PRH1: variants seen among roughly 807,000 people sequenced by gnomAD.
PRH1 encodes proline rich protein HaeIII subfamily 1.
In PRH1, 7 loss-of-function variants were observed where a neutral mutation model predicts 7.9. That is an observed-to-expected ratio of 0.89 (90% confidence interval 0.50 to 1.67). The LOEUF is 1.67. Ranked by LOEUF, PRH1 falls within the 40% of genes most tolerant of loss-of-function variation. PRH1 has a pLI of 0.00. For missense variants in PRH1, 109 were observed against 223.6 expected, an observed-to-expected ratio of 0.49 and a Z score of 3.27; for synonymous variants, 45 against 80.8, an observed-to-expected ratio of 0.56 and a Z score of 2.38.
At chr12:11,103,403 G>C (rs113534444) in intron 1 of PRH1, among the ~76,000 whole-genome samples, 1 of 152,060 alleles carries the variant, frequency 6.6e-6, no homozygotes, top group Non-Finnish European at 1.5e-5. Flanking sequence ...CGTGGATGAA[G>C]CTAGAAACCA....
chr12:10,985,548 T>A (rs1939568971), intron 1 of PRH1, among the ~76,000 whole-genome samples: 1 of 152,156 alleles, frequency 6.6e-6, no homozygotes, highest in Non-Finnish European at 1.5e-5. Context: ...GCAAAGATTT[T>A]GAGATAATGT....
intron 1 of PRH1, among the ~76,000 whole-genome samples, chr12:11,145,678 T>C (rs898972859): frequency 4.6e-5 from 7 of 152,180 alleles, no homozygotes; most frequent in Non-Finnish European, 7.3e-5. Flanking sequence ...TAACAGAGTA[T>C]ACAGAAAGCT....
In PRH1 at chr12:11,097,496, T is replaced by C. The variant is rs543710914; in HGVS notation, n.124-50308A>G. 3.2e-4 allele frequency among the ~76,000 whole-genome samples: 37 copies of C among 114,772 alleles called. 9 individuals are homozygous for C. In the South Asian group the frequency reaches 7.6e-3, roughly 24 times the overall value. The allele number at this position is 114,772 out of a possible 152,430, so 75.3% of individuals were successfully genotyped here. A position where few individuals can be genotyped will look rare whatever the true frequency, so the allele number is the denominator to read the frequency against. ...CACGAAAATTAAATTGTTTCTATCA[T>C]GAGCATAGTGAAAGGAGGATTCACT... On this transcript the variant is annotated intron_variant and non_coding_transcript_variant, in intron 1 of 4. Transcript: ENST00000541977.
intron 1 of PRH1, among the ~76,000 whole-genome samples, chr12:11,124,899 A>G (rs1296557663): frequency 2.0e-5 from 3 of 151,356 alleles, no homozygotes; most frequent in Admixed American, 2.0e-4. Context: ...CTGCAGTGCA[A>G]TGGCGCAATA....
At chr12:11,117,563 A>G (rs1038079182), downstream of PRH1, among the ~76,000 whole-genome samples, 1 of 152,168 alleles carries the variant, frequency 6.6e-6, no homozygotes, top group Non-Finnish European at 1.5e-5. Context: ...AGAGAAAACA[A>G]TCCTAAAATT....
At chr12:11,092,417 G>C (rs139905132) in intron 1 of PRH1, 8,090 of 361,704 alleles carry the variant, frequency 0.022, 1,675 homozygotes, top group South Asian at 0.034. Context: ...AAGAGAGAAA[G>C]GACAAAGCTT....
At chr12:11,083,408 C>A (rs1344036166) in intron 1 of PRH1, among the ~76,000 whole-genome samples, 1 of 151,398 alleles carries the variant, frequency 6.6e-6, no homozygotes, top group African/African-American at 2.4e-5. Context: ...CTGTATTCTT[C>A]TTTATTCAGC....
rs569176283 is a variant in PRH1 at position 11,078,624 on chromosome 12, C to T, written n.124-31436G>A. ...TGCAATTTTTTTCCTTGTTTAACCT[C>T]TCCATAATTTGAATCCAGCATCTTC... On this transcript the variant is annotated intron_variant and non_coding_transcript_variant, in intron 1 of 4. Transcript: ENST00000541977. 3.3e-5 allele frequency: 5 copies of T among 152,204 alleles called. No homozygotes were observed. The South Asian group carries it at 1.0e-3, about 31-fold the overall frequency. The allele number at this position is 152,204 out of a possible 1,614,324, so 9.4% of individuals were successfully genotyped here. A position where few individuals can be genotyped will look rare whatever the true frequency, so the allele number is the denominator to read the frequency against.
intron 1 of PRH1, among the ~76,000 whole-genome samples, chr12:11,044,090 CAG>C (rs1942821989): frequency 6.6e-6 from 1 of 152,108 alleles, no homozygotes; most frequent in Admixed American, 6.5e-5. Context: ...GGCATTAAGA[CAG>C]ACACATAGAC....
intron 1 of PRH1, among the ~76,000 whole-genome samples, chr12:10,993,221 T>C (rs1205710012): frequency 1.3e-5 from 2 of 152,206 alleles, no homozygotes; most frequent in Non-Finnish European, 2.9e-5. Flanking sequence ...CTTTTTAATC[T>C]ACATCGATTG....
intron 1 of PRH1, chr12:11,134,068 G>C: frequency 6.2e-7 from 1 of 1,614,100 alleles, no homozygotes; most frequent in Non-Finnish European, 8.5e-7. Context: ...ATAACACCCA[G>C]AGCAAACCAA....
chr12:11,063,491 A>G (rs953960823), intron 1 of PRH1, among the ~76,000 whole-genome samples: 10 of 152,074 alleles, frequency 6.6e-5, no homozygotes, highest in African/African-American at 2.4e-4. Flanking sequence ...TCTAACTACT[A>G]CCAAGATTCA....
Position 11,088,513 on chromosome 12 carries a change from T to C in PRH1, n.124-41325A>G, listed in dbSNP as rs1251793553. ...ACAGCATAGGTGATGTTTTAAAGCA[T>C]TCAGTGTCCCTAGACCACACGTTGA... is the stretch of plus-strand genomic sequence containing the variant. On this transcript the variant is annotated intron_variant and non_coding_transcript_variant, in intron 1 of 4. Coordinates refer to the PRH1 transcript ENST00000541977. Among the ~76,000 whole-genome samples the C allele has an allele frequency of 7.5e-5, 8 of 106,616 alleles. 2 individuals carry two copies. Among genetic ancestry groups the C allele is most frequent in the Non-Finnish European group, 1.3e-4 (6 of 46,030 alleles). 69.9% of individuals were successfully genotyped at this position (106,616 alleles called of 152,430 possible).
rs149360793 is a variant in PRH1 at position 11,080,297 on chromosome 12, T to G, written n.124-33109A>C. Reference sequence around the variant, plus strand: ...TGTATATGAAATTTAACCCCACAGTTGCATGTACATGTGATCCACTTCTTT... The same window carrying G: ...TGTATATGAAATTTAACCCCACAGTGGCATGTACATGTGATCCACTTCTTT... On this transcript the variant is annotated intron_variant and non_coding_transcript_variant, in intron 1 of 4. Coordinates refer to the PRH1 transcript ENST00000541977. Among the ~76,000 whole-genome samples, 26 of 116,770 alleles carry G rather than the reference T, an allele frequency of 2.2e-4. 2 individuals carry two copies. The East Asian group carries it at 5.4e-3, about 24-fold the overall frequency. The allele number at this position is 116,770 out of a possible 152,430, so 76.6% of individuals were successfully genotyped here.
intron 1 of PRH1, among the ~76,000 whole-genome samples, chr12:11,099,611 C>A (rs765247989): frequency 6.6e-6 from 1 of 152,046 alleles, no homozygotes; most frequent in Non-Finnish European, 1.5e-5. Context: ...GCAGGAGAAT[C>A]GCTTGAACCC....
At chr12:10,986,301 G>T in intron 1 of PRH1, 2 of 1,613,978 alleles carry the variant, frequency 1.2e-6, no homozygotes, top group Non-Finnish European at 1.7e-6. Flanking sequence ...CAGAGTAAAG[G>T]GTATGAAGCT....
intron 1 of PRH1, among the ~76,000 whole-genome samples, chr12:10,989,138 A>G (rs1375319530): frequency 1.3e-5 from 2 of 152,132 alleles, no homozygotes; most frequent in South Asian, 2.1e-4. Flanking sequence ...ACAACTAGGT[A>G]TGCAACCCTA....
At chr12:11,043,700 C>T (rs1942803670) in intron 1 of PRH1, among the ~76,000 whole-genome samples, 1 of 152,040 alleles carries the variant, frequency 6.6e-6, no homozygotes, top group Non-Finnish European at 1.5e-5. Flanking sequence ...AAAAGCCACA[C>T]ATAAAATTAA....
At chr12:11,088,278 C>T (rs1944776681) in intron 1 of PRH1, among the ~76,000 whole-genome samples, 3 of 120,842 alleles carry the variant, frequency 2.5e-5, no homozygotes, top group Admixed American at 1.7e-4. Context: ...AAGGTTGAGG[C>T]TGTAATGAGC....
Sources: allele counts gnomAD v4.1 joint callset (sites outside exome capture counted in the v4.1 genomes callset), GRCh38; gene constraint gnomAD v4.1.1; transcripts MANE v1.5; gene names NCBI Gene and HGNC (gene_info 2026-07-23, HGNC 2026-07-21).